SRGAP2: variants seen among roughly 807,000 people sequenced by gnomAD.
SRGAP2 encodes the protein SLIT-ROBO Rho GTPase activating protein 2, also known as SLIT-ROBO Rho GTPase-activating protein 2.
SRGAP2 carries 15 observed loss-of-function variants against 57.2 expected under a neutral mutation model. That is an observed-to-expected ratio of 0.26 (90% CI 0.18 to 0.40). The LOEUF (loss-of-function observed/expected upper bound fraction) is 0.40, where lower values mean the gene tolerates loss of function less well. SRGAP2 is among the 10% of genes least tolerant of loss of function. The probability of loss-of-function intolerance (pLI) is 1.00; values close to 1 mark genes in which losing one functional copy is unlikely to be tolerated. For missense variants in SRGAP2, 520 were observed against 669.6 expected (o/e 0.78, Z 2.47); for synonymous variants, 249 against 248.0 (o/e 1.00, Z -0.04).
chr1:206,221,206 C>T (rs2102479838), intron 2 of SRGAP2, among the ~76,000 whole-genome samples: 1 of 149,034 alleles, frequency 6.7e-6, no homozygotes, highest in South Asian at 2.1e-4. Flanking sequence ...TCCCAAAGTG[C>T]TGGGATTATA....
intron 2 of SRGAP2, among the ~76,000 whole-genome samples, chr1:206,269,387 GT>G (rs1670072422): frequency 7.9e-6 from 1 of 126,838 alleles, no homozygotes; most frequent in Admixed American, 8.0e-5. Flanking sequence ...CTGGGTGCTG[GT>G]TGCATGATTT....
intron 10 of SRGAP2, among the ~76,000 whole-genome samples, chr1:206,413,284 G>A (rs1332813990): frequency 2.0e-5 from 3 of 152,200 alleles, no homozygotes; most frequent in African/African-American, 7.2e-5. Flanking sequence ...AGGCTTTTGA[G>A]GCTTGCATTG....
chr1:206,333,136 G>A lies in SRGAP2; in HGVS notation c.261-9710G>A, dbSNP rs557009690. The stretch of plus-strand genomic sequence containing the variant: ...TAGGCTGCTCGGGGGTCAGGGGTCA[G>A]GGACCCACTTGAGGAGGCAGTCTGC... On this transcript the variant is annotated intron_variant, in intron 3 of 22. Transcript: ENST00000573034. Among the ~76,000 whole-genome samples, 1,028 of 146,410 alleles carry A rather than the reference G, an allele frequency of 7.0e-3. 10 individuals are homozygous for A. Among genetic ancestry groups the A allele is most frequent in the African/African-American group, 0.025 (980 of 39,670 alleles).
At position 206,280,094 on chromosome 1, in the gene SRGAP2, A is replaced by G. The variant is rs1442071570; in HGVS notation, c.68-23187A>G. 7.6e-3 allele frequency among the ~76,000 whole-genome samples: 1,153 copies of G among 151,920 alleles called. 6 individuals are homozygous for G. The highest frequency in any genetic ancestry group is 0.013 in the Non-Finnish European group (857 of 67,970). ...ATGGTTTATTTTGGATGAGAATTTC[A>G]TTTTGTGTACCTGATTTTGTATTTT... On this transcript the variant is annotated intron_variant, in intron 2 of 22. Coordinates refer to ENST00000573034, the MANE Select transcript of SRGAP2 (RefSeq NM_015326.5).
chr1:206,254,566 C>T (rs1269184609), intron 2 of SRGAP2, among the ~76,000 whole-genome samples: 4 of 149,752 alleles, frequency 2.7e-5, no homozygotes, highest in Non-Finnish European at 4.4e-5. Flanking sequence ...TTCAAGTTGA[C>T]TCCCATGGCC....
intron 2 of SRGAP2, among the ~76,000 whole-genome samples, chr1:206,249,523 C>T (rs1487064146): frequency 1.3e-5 from 2 of 151,230 alleles, no homozygotes; most frequent in African/African-American, 2.4e-5. Flanking sequence ...TGTTCTCACT[C>T]ATAAGTGGGA....
At chr1:206,391,046 G>A (rs1553350265) in intron 5 of SRGAP2, among the ~76,000 whole-genome samples, 1 of 151,998 alleles carries the variant, frequency 6.6e-6, no homozygotes, top group African/African-American at 2.4e-5. Flanking sequence ...ATTGACATTT[G>A]GGCCAGATAA....
Position 206,462,779 on chromosome 1 carries a change from C to G in SRGAP2, c.*1359C>G, listed in dbSNP as rs1220719836. 1 of 152,158 alleles carries G rather than the reference C, an allele frequency of 6.6e-6. No homozygotes were observed. Among genetic ancestry groups the G allele is most frequent in the Non-Finnish European group, 1.5e-5 (1 of 68,028 alleles). The allele number at this position is 152,158 out of a possible 1,614,324, so 9.4% of individuals were successfully genotyped here. On this transcript the variant is annotated 3_prime_UTR_variant, in exon 23 of 23. Transcript: ENST00000573034. ...TTCTGGCTCTACTCTGGCCTTTTTT[C>G]TGGTTCCCTTCCAAAATGCACAAAT...
chr1:206,436,884 G>A, intron 14 of SRGAP2, 81 bp from the exon 15 acceptor site: 2 of 770,764 alleles, frequency 2.6e-6, no homozygotes, highest in Admixed American at 1.7e-5. Flanking sequence ...GGCTGGGGGA[G>A]ACAGATATTC....
At chr1:206,361,503 A>C (rs1553340604) in intron 4 of SRGAP2, among the ~76,000 whole-genome samples, 1 of 152,202 alleles carries the variant, frequency 6.6e-6, no homozygotes, top group Non-Finnish European at 1.5e-5. Context: ...AGGATAGGAA[A>C]CTGCTTTGGA....
intron 2 of SRGAP2, among the ~76,000 whole-genome samples, chr1:206,231,540 A>T (rs1571626766): frequency 1.4e-5 from 2 of 143,214 alleles, no homozygotes; most frequent in African/African-American, 2.6e-5. Flanking sequence ...TAGTTTTCTA[A>T]TTTTTTTTTT....
At position 206,209,669 on chromosome 1, in the gene SRGAP2, A is replaced by T. The variant is rs1314929162; in HGVS notation, c.67+3632A>T. ...TACATAGCTCTTTCCAATTTACATT[A>T]TGCTTTCATATGTAGTTGTCCGTCA... On this transcript the variant is annotated intron_variant, in intron 2 of 22. Coordinates refer to ENST00000573034, the MANE Select transcript of SRGAP2 (RefSeq NM_015326.5). 2.6e-5 allele frequency among the ~76,000 whole-genome samples: 4 copies of T among 151,264 alleles called. No homozygotes were observed. In the East Asian group the frequency reaches 7.8e-4, roughly 29 times the overall value.
At chr1:206,279,663 C>T (rs1670619585) in intron 2 of SRGAP2, among the ~76,000 whole-genome samples, 1 of 146,704 alleles carries the variant, frequency 6.8e-6, no homozygotes, top group Non-Finnish European at 1.5e-5. Context: ...AAGTGATGCT[C>T]CTGCCTCAGC....
intron 3 of SRGAP2, among the ~76,000 whole-genome samples, chr1:206,322,579 C>CG (rs1673547469): frequency 1.9e-5 from 1 of 53,526 alleles, no homozygotes; most frequent in Non-Finnish European, 3.5e-5. Context: ...GACTCCATAT[C>CG]AAAAAAAAAA....
At chr1:206,305,588 G>T (rs1475691872) in intron 3 of SRGAP2, among the ~76,000 whole-genome samples, 3 of 151,872 alleles carry the variant, frequency 2.0e-5, no homozygotes, top group Non-Finnish European at 4.4e-5. Context: ...TCTCTGAGTG[G>T]ACTGTATAAG....
intron 2 of SRGAP2, among the ~76,000 whole-genome samples, chr1:206,294,812 C>T (rs1553620508): frequency 0.018 from 2,794 of 151,808 alleles, 83 homozygotes; most frequent in African/African-American, 0.063. Flanking sequence ...TTACATTCAT[C>T]ATGACACAAA....
intron 4 of SRGAP2, among the ~76,000 whole-genome samples, chr1:206,369,642 C>T (rs548820166): frequency 6.6e-6 from 1 of 152,230 alleles, no homozygotes; most frequent in East Asian, 1.9e-4. Flanking sequence ...CCAACAAGCA[C>T]ATTTTTGACA....
chr1:206,326,388 C>T (rs560957471), intron 3 of SRGAP2, among the ~76,000 whole-genome samples: 90 of 151,840 alleles, frequency 5.9e-4, no homozygotes, highest in African/African-American at 1.9e-3. Flanking sequence ...TGCTTTCAGG[C>T]GCCGTTAGGC....
chr1:206,389,840 A>G (rs1244902581), intron 5 of SRGAP2, among the ~76,000 whole-genome samples: 1 of 149,976 alleles, frequency 6.7e-6, no homozygotes, highest in Admixed American at 6.6e-5. Flanking sequence ...GTTTTTCCCC[A>G]TAGTTTGCAT....
Sources: allele counts gnomAD v4.1 joint callset (sites outside exome capture counted in the v4.1 genomes callset), GRCh38; gene constraint gnomAD v4.1.1; transcripts MANE v1.5; gene names NCBI Gene and HGNC (gene_info 2026-07-23, HGNC 2026-07-21).